ADAM19: variants seen among roughly 807,000 people sequenced by gnomAD.
ADAM19 encodes ADAM metallopeptidase domain 19.
ADAM19 carries 65 observed loss-of-function variants against 114.7 expected under a neutral mutation model. The observed-to-expected ratio is 0.57, with a 90% CI of 0.46 to 0.70. The LOEUF (loss-of-function observed/expected upper bound fraction) is 0.70. ADAM19 is among the 30% of genes least tolerant of loss of function. The pLI is 0.00. For missense variants in ADAM19, 1,063 were observed against 1,204.7 expected (o/e 0.88, Z 1.74); for synonymous variants, 466 against 460.5 (o/e 1.01, Z -0.15).
intron 21 of ADAM19, among the ~76,000 whole-genome samples, chr5:157,485,099 G>A (rs942749653): frequency 3.3e-5 from 5 of 152,172 alleles, no homozygotes; most frequent in African/African-American, 9.7e-5. Flanking sequence ...CCTGACACGG[G>A]GCGTCATCCC....
intron 4 of ADAM19, among the ~76,000 whole-genome samples, chr5:157,532,275 C>T (rs572283353): frequency 2.0e-5 from 3 of 152,300 alleles, no homozygotes; most frequent in East Asian, 1.9e-4. Context: ...CTTCAGCCTT[C>T]GTGGGGCTTA....
rs1426394872 is a variant in ADAM19 at position 157,546,433 on chromosome 5, C to T, written c.252-8442G>A. 2.6e-5 allele frequency among the ~76,000 whole-genome samples: 4 copies of T among 152,196 alleles called. No homozygotes were observed. The East Asian group carries it at 7.7e-4, about 29-fold the overall frequency. On this transcript the variant is annotated intron_variant, in intron 3 of 22. Coordinates refer to ENST00000257527, the MANE Select transcript of ADAM19 (RefSeq NM_033274.5). The stretch of plus-strand genomic sequence containing the variant: ...CTTCTCCAAACCCATATTCCTATCA[C>T]CATATCCCTGAGAGGCCAGTTTGAC...
chr5:157,527,353 GGT>G (rs68172876), intron 5 of ADAM19, among the ~76,000 whole-genome samples: 4 of 152,130 alleles, frequency 2.6e-5, no homozygotes, highest in Non-Finnish European at 4.4e-5. Flanking sequence ...TGGGACTACA[GGT>G]GCCCACCACC....
At chr5:157,516,935 A>AACACAC (rs10570308) in intron 7 of ADAM19, among the ~76,000 whole-genome samples, 19 of 150,254 alleles carry the variant, frequency 1.3e-4, no homozygotes, top group Non-Finnish European at 1.5e-4. Flanking sequence ...GAAAACATAG[A>AACACAC]ACACACACAC....
intron 3 of ADAM19, among the ~76,000 whole-genome samples, chr5:157,560,251 C>T (rs1394310744): frequency 9.2e-6 from 1 of 108,722 alleles, no homozygotes; most frequent in Middle Eastern, 8.5e-3. Flanking sequence ...GGCGACAGAG[C>T]GAGACTCCGT....
At chr5:157,544,867 G>A (rs1213625630) in intron 3 of ADAM19, among the ~76,000 whole-genome samples, 1 of 152,214 alleles carries the variant, frequency 6.6e-6, no homozygotes, top group Non-Finnish European at 1.5e-5. Context: ...CAGAAAACCT[G>A]AAGGGAAAGA....
chr5:157,555,995 T>C (rs1224001700), intron 3 of ADAM19, among the ~76,000 whole-genome samples: 1 of 152,156 alleles, frequency 6.6e-6, no homozygotes, highest in Non-Finnish European at 1.5e-5. Flanking sequence ...CCCATCCAGG[T>C]AATCCAAGAT....
intron 15 of ADAM19, among the ~76,000 whole-genome samples, chr5:157,494,005 A>G (rs939429886): frequency 6.6e-6 from 1 of 152,226 alleles, no homozygotes; most frequent in Non-Finnish European, 1.5e-5. Context: ...CTGACACACT[A>G]AGATGGGTTG....
intron 22 of ADAM19, 126 bp from the exon 23 acceptor site, chr5:157,481,128 G>T: frequency 7.9e-7 from 1 of 1,273,808 alleles, no homozygotes; most frequent in South Asian, 1.3e-5. Context: ...AAGGCTTCTT[G>T]TGAAGTCCAT....
In ADAM19 at chr5:157,478,529, T is replaced by C. The variant is rs1406227998; in HGVS notation, c.*2420A>G. ...CAATCGTGCTTTGGAATAAGGTCTCTCCTTCCCTAAGCCCAGATTTATTTG... is the reference window on the plus strand; with the variant it reads ...CAATCGTGCTTTGGAATAAGGTCTCCCCTTCCCTAAGCCCAGATTTATTTG... On this transcript the variant is annotated 3_prime_UTR_variant, in exon 23 of 23. Transcript: ENST00000257527. 2.1e-6 allele frequency: 2 copies of C among 973,632 alleles called. No individual in the cohort carries two copies. Among genetic ancestry groups the C allele is most frequent in the Non-Finnish European group, 2.4e-6 (2 of 819,278 alleles). The allele number at this position is 973,632 out of a possible 1,614,324, so 60.3% of individuals were successfully genotyped here. A position where few individuals can be genotyped will look rare whatever the true frequency, so the allele number is the denominator to read the frequency against.
chr5:157,479,487 T>C lies in ADAM19; in HGVS notation c.*1462A>G. ...ACCCAGCACCTTTGTGGAGTGGGAG[T>C]CTATCTCCCAGCAAACATCTCCAGG... On this transcript the variant is annotated 3_prime_UTR_variant, in exon 23 of 23. Coordinates refer to ENST00000257527, the MANE Select transcript of ADAM19 (RefSeq NM_033274.5). The C allele has an allele frequency of 1.0e-6, 1 of 985,328 alleles. No individual in the cohort carries two copies. The highest frequency in any genetic ancestry group is 1.2e-6 in the Non-Finnish European group (1 of 829,872). The allele number at this position is 985,328 out of a possible 1,614,324, so 61.0% of individuals were successfully genotyped here.
At chr5:157,544,170 G>A (rs1483113462) in intron 3 of ADAM19, among the ~76,000 whole-genome samples, 1 of 152,150 alleles carries the variant, frequency 6.6e-6, no homozygotes, top group Non-Finnish European at 1.5e-5. Flanking sequence ...TAAAAAATTG[G>A]GACCTCCTCC....
intron 2 of ADAM19, among the ~76,000 whole-genome samples, chr5:157,567,600 C>G (rs1352410492): frequency 6.6e-6 from 1 of 152,134 alleles, no homozygotes; most frequent in Non-Finnish European, 1.5e-5. Flanking sequence ...GAGTTCCAGA[C>G]CAGCCTGACC....
intron 5 of ADAM19, among the ~76,000 whole-genome samples, chr5:157,521,685 A>G (rs1756290227): frequency 6.6e-6 from 1 of 152,174 alleles, no homozygotes; most frequent in Admixed American, 6.5e-5. Flanking sequence ...ACGGACATCT[A>G]AGGTACTCCC....
chr5:157,497,894 C>T (rs1425808400), intron 13 of ADAM19, among the ~76,000 whole-genome samples: 1 of 152,172 alleles, frequency 6.6e-6, no homozygotes, highest in African/African-American at 2.4e-5. Context: ...TAATAGGTTG[C>T]CCCAAATCAC....
chr5:157,527,273 C>A (rs1257982738), intron 5 of ADAM19, among the ~76,000 whole-genome samples: 1 of 151,852 alleles, frequency 6.6e-6, no homozygotes, highest in East Asian at 1.9e-4. Context: ...TGCAGTGATG[C>A]GATTTCAGCT....
chr5:157,559,439 T>C (rs764211613), intron 3 of ADAM19, among the ~76,000 whole-genome samples: 6 of 152,208 alleles, frequency 3.9e-5, no homozygotes, highest in Non-Finnish European at 7.3e-5. Context: ...AAGGTGATCT[T>C]GTAATAGAGT....
chr5:157,557,021 C>T lies in ADAM19; in HGVS notation c.251+7352G>A, dbSNP rs149882672. On this transcript the variant is annotated intron_variant, in intron 3 of 22. Transcript: ENST00000257527. ...AAAGCTTCCTGAGTAGCTGGGACTACAGGCATGTGCCACCATGCCTGGCTA... is the reference window on the plus strand; with the variant it reads ...AAAGCTTCCTGAGTAGCTGGGACTATAGGCATGTGCCACCATGCCTGGCTA... Among the ~76,000 whole-genome samples, 80 of 152,320 alleles carry T rather than the reference C, an allele frequency of 5.3e-4. No homozygotes were observed. The East Asian group carries it at 0.015, about 28-fold the overall frequency.
chr5:157,499,548 A>C lies in ADAM19; in HGVS notation c.1398+25T>G. ...GGTCCCACTGTCAGGCCAGGGCCCAAGGCGTGGAGAAAAGGGCCACTTACC... is the reference window on the plus strand; with the variant it reads ...GGTCCCACTGTCAGGCCAGGGCCCACGGCGTGGAGAAAAGGGCCACTTACC... On this transcript the variant is annotated intron_variant, in intron 13 of 22. Coordinates refer to ENST00000257527, the MANE Select transcript of ADAM19 (RefSeq NM_033274.5). 5 of 1,596,562 alleles carry C rather than the reference A, an allele frequency of 3.1e-6. No individual in the cohort carries two copies. In the Admixed American group the frequency reaches 6.7e-5, roughly 21 times the overall value.
Sources: allele counts gnomAD v4.1 joint callset (sites outside exome capture counted in the v4.1 genomes callset), GRCh38; gene constraint gnomAD v4.1.1; transcripts MANE v1.5; gene names NCBI Gene and HGNC (gene_info 2026-07-23, HGNC 2026-07-21).